The following APBB2 variants were observed in gnomAD, a reference collection of about 807,000 sequenced individuals.
APBB2 encodes amyloid beta precursor protein binding family B member 2, also known as Fe65-like 1.
Under a neutral mutation model 82.5 loss-of-function variants are expected in APBB2, and 38 were observed. The ratio of observed to expected loss-of-function variants is 0.46; its 90% CI spans 0.36 to 0.60. The LOEUF is 0.60. APBB2 is among the 20% of genes least tolerant of loss of function. APBB2 has a pLI of 0.00. For missense variants in APBB2, 772 were observed against 972.3 expected, an observed-to-expected ratio of 0.79 and a Z score of 2.74; for synonymous variants, 341 against 368.2, an observed-to-expected ratio of 0.93 and a Z score of 0.85.
At chr4:40,828,734 G>A (rs529695421) in intron 13 of APBB2, among the ~76,000 whole-genome samples, 80 of 152,212 alleles carry the variant, frequency 5.3e-4, no homozygotes, top group Non-Finnish European at 1.0e-3. Context: ...CAACACCCCC[G>A]TCTCATCAAT....
intron 1 of APBB2, among the ~76,000 whole-genome samples, chr4:41,172,226 C>T (rs954895266): frequency 1.3e-5 from 2 of 152,114 alleles, no homozygotes; most frequent in Non-Finnish European, 2.9e-5. Flanking sequence ...CAGCACCCCC[C>T]GCCCCAGGCA....
chr4:40,969,258 T>C (rs1411969678), intron 6 of APBB2, among the ~76,000 whole-genome samples: 3 of 152,208 alleles, frequency 2.0e-5, no homozygotes, highest in Non-Finnish European at 4.4e-5. Context: ...CCCACCTCCT[T>C]TAGCTCCTAC....
At chr4:41,114,724 T>C (rs1202399459) in intron 2 of APBB2, among the ~76,000 whole-genome samples, 1 of 152,104 alleles carries the variant, frequency 6.6e-6, no homozygotes. Flanking sequence ...CATTCACAAC[T>C]GCTACAAAAA....
chr4:41,207,358 G>A (rs1238727694), intron 1 of APBB2, among the ~76,000 whole-genome samples: 1 of 152,118 alleles, frequency 6.6e-6, no homozygotes, highest in Non-Finnish European at 1.5e-5. Flanking sequence ...GGCTCACCCT[G>A]GAGGGAATGA....
intron 1 of APBB2, among the ~76,000 whole-genome samples, chr4:41,188,857 G>A (rs1156818176): frequency 6.6e-6 from 1 of 152,064 alleles, no homozygotes; most frequent in East Asian, 1.9e-4. Flanking sequence ...CAGATGCAGT[G>A]AGCCAAGATC....
At chr4:41,094,248 T>C (rs1294512823) in intron 3 of APBB2, among the ~76,000 whole-genome samples, 1 of 152,234 alleles carries the variant, frequency 6.6e-6, no homozygotes, top group Non-Finnish European at 1.5e-5. Context: ...ATATCATTTA[T>C]GACATTGGAG....
At chr4:41,052,027 T>G (rs1726146238) in intron 4 of APBB2, among the ~76,000 whole-genome samples, 1 of 152,200 alleles carries the variant, frequency 6.6e-6, no homozygotes, top group Admixed American at 6.5e-5. Flanking sequence ...AAGTGTTAAC[T>G]GTCACCAACA....
chr4:41,163,176 TG>T (rs1161561944), intron 1 of APBB2, among the ~76,000 whole-genome samples: 1 of 152,222 alleles, frequency 6.6e-6, no homozygotes, highest in Non-Finnish European at 1.5e-5. Flanking sequence ...AAGGCAGGGA[TG>T]ATTCCGGCAG....
chr4:40,989,204 T>C (rs1253120113), intron 6 of APBB2, among the ~76,000 whole-genome samples: 1 of 152,208 alleles, frequency 6.6e-6, no homozygotes, highest in African/African-American at 2.4e-5. Flanking sequence ...TTGCAATGCC[T>C]TGCCTCTTCC....
chr4:41,098,017 C>A (rs1349221552), intron 3 of APBB2, among the ~76,000 whole-genome samples: 2 of 151,764 alleles, frequency 1.3e-5, no homozygotes, highest in Non-Finnish European at 2.9e-5. Context: ...TCCCCCCTCC[C>A]CTCCCGTCCC....
At chr4:41,129,785 T>TTA (rs1755451311) in intron 2 of APBB2, among the ~76,000 whole-genome samples, 1 of 151,450 alleles carries the variant, frequency 6.6e-6, no homozygotes, top group African/African-American at 2.4e-5. Flanking sequence ...CTTTTGCAAT[T>TTA]TATATATATA....
At chr4:41,112,382 T>C (rs1749493217) in intron 2 of APBB2, among the ~76,000 whole-genome samples, 1 of 152,198 alleles carries the variant, frequency 6.6e-6, no homozygotes, top group African/African-American at 2.4e-5. Context: ...GTATCTGGGA[T>C]ACAGGCAGGG....
At chr4:40,970,017 T>C (rs1795574114) in intron 6 of APBB2, among the ~76,000 whole-genome samples, 1 of 152,246 alleles carries the variant, frequency 6.6e-6, no homozygotes, top group Non-Finnish European at 1.5e-5. Flanking sequence ...CATGTATTGA[T>C]ATTACCCTAA....
At chr4:40,871,081 G>A (rs1244241833) in intron 12 of APBB2, among the ~76,000 whole-genome samples, 1 of 152,014 alleles carries the variant, frequency 6.6e-6, no homozygotes, top group East Asian at 1.9e-4. Context: ...GGTAATCCAG[G>A]ATAATATCCT....
chr4:41,190,241 ATTTTTTTTTTTTTTT>A (rs1160837303), intron 1 of APBB2, among the ~76,000 whole-genome samples: 16 of 71,810 alleles, frequency 2.2e-4, no homozygotes, highest in Admixed American at 6.4e-4. Context: ...TACATAGGCT[ATTTTTTTTTTTTTTT>A]TTTTTTTTTT....
intron 10 of APBB2, among the ~76,000 whole-genome samples, chr4:40,915,434 G>C (rs1291339979): frequency 1.3e-5 from 2 of 152,160 alleles, no homozygotes; most frequent in Non-Finnish European, 2.9e-5. Flanking sequence ...CTCAGCCCCG[G>C]AGCGCAGAGC....
chr4:41,076,678 C>T (rs1018873652), intron 3 of APBB2, among the ~76,000 whole-genome samples: 10 of 152,154 alleles, frequency 6.6e-5, no homozygotes, highest in Non-Finnish European at 8.8e-5. Context: ...TGCTTTGTGC[C>T]TCCTCATGAA....
intron 1 of APBB2, among the ~76,000 whole-genome samples, chr4:41,156,313 A>C (rs1763434303): frequency 6.6e-6 from 1 of 152,222 alleles, no homozygotes; most frequent in Admixed American, 6.5e-5. Flanking sequence ...CTGCTACTTT[A>C]TGGTCCAGAT....
At chr4:41,056,549 T>C (rs1727921810) in intron 4 of APBB2, among the ~76,000 whole-genome samples, 1 of 152,186 alleles carries the variant, frequency 6.6e-6, no homozygotes. Flanking sequence ...TGATTCTAAA[T>C]GACACAGTTA....
Sources: allele counts gnomAD v4.1 joint callset (sites outside exome capture counted in the v4.1 genomes callset), GRCh38; gene constraint gnomAD v4.1.1; transcripts MANE v1.5; gene names NCBI Gene and HGNC (gene_info 2026-07-23, HGNC 2026-07-21).